FSTL5: variants seen among roughly 807,000 people sequenced by gnomAD.
FSTL5 encodes follistatin-related protein 5.
A neutral mutation model predicts 89.1 loss-of-function variants in FSTL5; 62 were observed. That is an observed-to-expected ratio of 0.70 (90% CI 0.57 to 0.86). The LOEUF is 0.86. Among genes scored for constraint, FSTL5 ranks in the 40% least tolerant of loss-of-function variants. The pLI is 0.00. For synonymous variants in FSTL5, 383 were observed against 346.2 expected (o/e 1.11, Z -1.18); for missense variants, 1,057 against 1,001.6 (o/e 1.06, Z -0.75).
intron 6 of FSTL5, among the ~76,000 whole-genome samples, chr4:161,718,846 A>C (rs895374179): frequency 9.2e-5 from 14 of 152,340 alleles, no homozygotes; most frequent in African/African-American, 3.4e-4. Context: ...ACTATACTGA[A>C]CAAACCAAAA....
At chr4:161,889,644 AT>A (rs368062461) in intron 4 of FSTL5, among the ~76,000 whole-genome samples, 134 of 152,304 alleles carry the variant, frequency 8.8e-4, no homozygotes, top group African/African-American at 2.6e-3. Flanking sequence ...ACTCTGTCGA[AT>A]AAATAAATAA....
chr4:161,857,437 T>C (rs932739200), intron 4 of FSTL5, among the ~76,000 whole-genome samples: 1 of 152,112 alleles, frequency 6.6e-6, no homozygotes, highest in African/African-American at 2.4e-5. Context: ...TGGGGATCAA[T>C]TATTTGTCGT....
intron 3 of FSTL5, among the ~76,000 whole-genome samples, chr4:162,033,176 A>G (rs1737603041): frequency 6.6e-6 from 1 of 152,196 alleles, no homozygotes; most frequent in African/African-American, 2.4e-5. Flanking sequence ...ACTATGCCAT[A>G]CTAGGAGCTA....
At chr4:162,102,941 G>C (rs957429517) in intron 2 of FSTL5, among the ~76,000 whole-genome samples, 7 of 151,698 alleles carry the variant, frequency 4.6e-5, no homozygotes, top group Admixed American at 4.0e-4. Flanking sequence ...ACTTGCCAAG[G>C]AAAGCAGCTC....
chr4:161,578,025 A>C (rs1368909063), intron 8 of FSTL5, among the ~76,000 whole-genome samples: 1 of 152,158 alleles, frequency 6.6e-6, no homozygotes, highest in African/African-American at 2.4e-5. Flanking sequence ...ATGCCTAAAC[A>C]AAACTCAATG....
chr4:162,058,040 A>G (rs1738604499), intron 2 of FSTL5, among the ~76,000 whole-genome samples: 1 of 152,184 alleles, frequency 6.6e-6, no homozygotes, highest in South Asian at 2.1e-4. Flanking sequence ...GTAATATGTT[A>G]AAAGTAAATG....
rs1007504121 is a variant in FSTL5 at position 161,598,863 on chromosome 4, A to T, written c.895-11288T>A. Among the ~76,000 whole-genome samples, 11 of 152,274 alleles carry T rather than the reference A, an allele frequency of 7.2e-5. No homozygotes were observed. In the East Asian group the frequency reaches 2.1e-3, roughly 29 times the overall value. On this transcript the variant is annotated intron_variant, in intron 7 of 15. Coordinates refer to ENST00000306100, the MANE Select transcript of FSTL5 (RefSeq NM_020116.5). Reference sequence around the variant, plus strand: ...AGGAAACAGTACATATATGTAAAAGACAGAACTTTAAATCTTTTCATATAA... The same window carrying T: ...AGGAAACAGTACATATATGTAAAAGTCAGAACTTTAAATCTTTTCATATAA...
chr4:161,909,257 A>G (rs1367262067), intron 4 of FSTL5, among the ~76,000 whole-genome samples: 1 of 152,170 alleles, frequency 6.6e-6, no homozygotes, highest in Non-Finnish European at 1.5e-5. Flanking sequence ...AGTCTCTACA[A>G]TAAAGCGGAC....
chr4:162,152,125 T>C (rs1442896286), intron 1 of FSTL5, among the ~76,000 whole-genome samples: 1 of 152,158 alleles, frequency 6.6e-6, no homozygotes, highest in African/African-American at 2.4e-5. Flanking sequence ...CCTTCGACTT[T>C]CTCAGGCCTC....
intron 8 of FSTL5, among the ~76,000 whole-genome samples, chr4:161,568,605 T>G (rs1189870460): frequency 6.6e-6 from 1 of 151,302 alleles, no homozygotes; most frequent in East Asian, 1.9e-4. Flanking sequence ...ATATACACAT[T>G]AGGAAGCAGG....
chr4:162,122,354 A>G (rs1350744566), intron 1 of FSTL5, among the ~76,000 whole-genome samples: 1 of 148,524 alleles, frequency 6.7e-6, no homozygotes, highest in East Asian at 1.9e-4. Flanking sequence ...CCACTAACTA[A>G]TCCACTTAAA....
intron 1 of FSTL5, among the ~76,000 whole-genome samples, chr4:162,143,785 T>TACACACACACACACAC (rs70946245): frequency 2.1e-4 from 29 of 138,554 alleles, no homozygotes; most frequent in African/African-American, 7.5e-4. Flanking sequence ...TGACTTTAAA[T>TACACACACACACACAC]ACACACACAC....
intron 8 of FSTL5, among the ~76,000 whole-genome samples, chr4:161,543,955 A>G (rs1731920511): frequency 6.6e-6 from 1 of 152,012 alleles, no homozygotes; most frequent in Non-Finnish European, 1.5e-5. Context: ...TATAAACACA[A>G]CCCACAAAAT....
chr4:162,031,499 C>T (rs925385922), intron 3 of FSTL5, among the ~76,000 whole-genome samples: 28 of 152,150 alleles, frequency 1.8e-4, no homozygotes, highest in African/African-American at 5.5e-4. Flanking sequence ...CATCTGAAAA[C>T]ATTTTAAAGA....
chr4:161,538,313 G>C lies in FSTL5; in HGVS notation c.1178-13C>G, dbSNP rs1295107458. ...TCACTGCCATTTGCTGAAAAAAGAAGGGAAATGCAACTTGTAAACTACAAT... is the reference window on the plus strand; with the variant it reads ...TCACTGCCATTTGCTGAAAAAAGAACGGAAATGCAACTTGTAAACTACAAT... On this transcript the variant is annotated splice_polypyrimidine_tract_variant and intron_variant, in intron 9 of 15. Transcript: ENST00000306100. 3 of 1,613,122 alleles carry C rather than the reference G, an allele frequency of 1.9e-6. No homozygotes were observed. Among genetic ancestry groups the C allele is most frequent in the Non-Finnish European group, 2.5e-6 (3 of 1,179,408 alleles).
intron 3 of FSTL5, among the ~76,000 whole-genome samples, chr4:161,966,209 C>G (rs1220814971): frequency 6.6e-6 from 1 of 152,012 alleles, no homozygotes; most frequent in East Asian, 1.9e-4. Context: ...GTTGTGGAAC[C>G]TAAATTTCAG....
chr4:161,677,017 A>C (rs1301817749), intron 6 of FSTL5, among the ~76,000 whole-genome samples: 1 of 152,052 alleles, frequency 6.6e-6, no homozygotes, highest in African/African-American at 2.4e-5. Flanking sequence ...TTACTGAATG[A>C]ATCTATATGT....
intron 2 of FSTL5, among the ~76,000 whole-genome samples, chr4:162,105,548 G>A (rs1255445898): frequency 1.3e-5 from 2 of 151,654 alleles, no homozygotes; most frequent in South Asian, 2.1e-4. Flanking sequence ...TCACAAAAAC[G>A]GGTAGGATGG....
In FSTL5 at chr4:161,888,691, G is replaced by A. The variant is rs188217594; in HGVS notation, c.409+31713C>T. On this transcript the variant is annotated intron_variant, in intron 4 of 15. Transcript: ENST00000306100. ...TTGAAATTATATTTAATATATATTA[G>A]ATTTCAGTAATCAACTTTTATACTT... Among the ~76,000 whole-genome samples, 526 of 152,042 alleles carry A rather than the reference G, an allele frequency of 3.5e-3. 4 individuals are homozygous for A. The highest frequency in any genetic ancestry group is 0.02 in the Middle Eastern group (6 of 294).
Sources: gnomAD v4.1 joint callset for allele counts (sites outside exome capture counted in the v4.1 genomes callset) on GRCh38, gnomAD v4.1.1 for gene constraint, MANE v1.5 for transcripts, NCBI Gene and HGNC (gene_info 2026-07-23, HGNC 2026-07-21) for gene names.